Variants in QKI observed in about 807,000 individuals in gnomAD.
QKI encodes the protein KH domain-containing RNA-binding protein QKI.
In QKI, 10 loss-of-function variants were observed where a neutral mutation model predicts 39.0. The observed-to-expected ratio is 0.26, with a 90% CI of 0.16 to 0.43. The LOEUF is 0.43. Ranked by LOEUF, QKI falls within the 20% of genes least tolerant of loss-of-function variation. The pLI, the probability that QKI is intolerant of heterozygous loss-of-function variation, is 1.00. For synonymous variants in QKI, 204 were observed against 155.4 expected (o/e 1.31, Z -2.33); for missense variants, 218 against 428.0 (o/e 0.51, Z 4.33).
At chr6:163,515,452 TAA>T (rs1489356071) in intron 3 of QKI, among the ~76,000 whole-genome samples, 4 of 152,056 alleles carry the variant, frequency 2.6e-5, no homozygotes, top group Non-Finnish European at 4.4e-5. Flanking sequence ...ATAATAATAA[TAA>T]ATTGGAATCA....
rs2128253935 is a variant in QKI at position 163,574,083 on chromosome 6, C to G, written c.*3373C>G. The stretch of plus-strand genomic sequence containing the variant: ...TAGCCTTTGTTTGAGGCATTCTTCT[C>G]TTGCCACTTGCCTTTCAGCATCTGC... On this transcript the variant is annotated 3_prime_UTR_variant, in exon 8 of 8. Transcript: ENST00000361752. 1 of 152,294 alleles carries G rather than the reference C, an allele frequency of 6.6e-6. No homozygotes were observed. Among genetic ancestry groups the G allele is most frequent in the East Asian group, 1.9e-4 (1 of 5,172 alleles). 9.4% of individuals were successfully genotyped at this position (152,294 alleles called of 1,614,324 possible). A position where few individuals can be genotyped will look rare whatever the true frequency, so the allele number is the denominator to read the frequency against.
intron 3 of QKI, among the ~76,000 whole-genome samples, chr6:163,512,785 C>T (rs1779561887): frequency 6.6e-6 from 1 of 152,004 alleles, no homozygotes; most frequent in Non-Finnish European, 1.5e-5. Context: ...TGAAATTATT[C>T]ACAGTATATT....
chr6:163,517,265 AC>A (rs771718777), intron 3 of QKI, among the ~76,000 whole-genome samples: 4 of 152,180 alleles, frequency 2.6e-5, no homozygotes, highest in Non-Finnish European at 5.9e-5. Flanking sequence ...CTTAGAAAAG[AC>A]CAAAGCCCTC....
chr6:163,493,017 A>G (rs898150561), intron 3 of QKI, among the ~76,000 whole-genome samples: 13 of 152,140 alleles, frequency 8.5e-5, no homozygotes, highest in African/African-American at 3.1e-4. Flanking sequence ...TTAAAAATCT[A>G]ATCTTCCCCA....
At chr6:163,563,276 T>A in intron 5 of QKI, 144 bp from the exon 6 acceptor site, 2 of 683,816 alleles carry the variant, frequency 2.9e-6, no homozygotes, top group Non-Finnish European at 4.6e-6. Flanking sequence ...TTTGCATTTT[T>A]GTGTGATCAG....
At chr6:163,428,006 A>G (rs954052111) in intron 1 of QKI, among the ~76,000 whole-genome samples, 8 of 152,212 alleles carry the variant, frequency 5.3e-5, no homozygotes, top group Non-Finnish European at 4.4e-5. Context: ...CTTATGTTCC[A>G]GCAGATGGGG....
At position 163,464,520 on chromosome 6, in the gene QKI, C is replaced by G. The variant is rs1791584720; in HGVS notation, c.285+9099C>G. On this transcript the variant is annotated intron_variant, in intron 2 of 7. Transcript: ENST00000361752. ...CATGAAGGAGACATTACAACTGATACCATAGAAATAATAAGATCATAAAAG... is the reference window on the plus strand; with the variant it reads ...CATGAAGGAGACATTACAACTGATAGCATAGAAATAATAAGATCATAAAAG... Among the ~76,000 whole-genome samples, 6 of 151,852 alleles carry G rather than the reference C, an allele frequency of 4.0e-5. No homozygotes were observed. The South Asian group carries it at 1.2e-3, about 32-fold the overall frequency.
At chr6:163,457,496 TGG>T (rs1161572889) in intron 2 of QKI, 1 of 455,554 alleles carries the variant, frequency 2.2e-6, no homozygotes, top group East Asian at 6.9e-5. Flanking sequence ...CTACGCTTTC[TGG>T]GAACTGTAAA....
chr6:163,517,745 T>C (rs1306507467), intron 3 of QKI, among the ~76,000 whole-genome samples: 1 of 152,212 alleles, frequency 6.6e-6, no homozygotes, highest in East Asian at 1.9e-4. Flanking sequence ...TTCAGCCTAG[T>C]TAAGCTGACA....
chr6:163,431,651 C>T (rs1788838109), intron 1 of QKI, among the ~76,000 whole-genome samples: 1 of 152,014 alleles, frequency 6.6e-6, no homozygotes, highest in Non-Finnish European at 1.5e-5. Context: ...TTTCTGTGAA[C>T]TTAGATTTTA....
chr6:163,449,349 C>CA (rs1790382542), intron 1 of QKI, among the ~76,000 whole-genome samples: 1 of 152,170 alleles, frequency 6.6e-6, no homozygotes, highest in African/African-American at 2.4e-5. Flanking sequence ...GGTCAAATGA[C>CA]ACAGTGACCT....
intron 2 of QKI, among the ~76,000 whole-genome samples, chr6:163,464,668 T>G (rs998588911): frequency 6.6e-6 from 1 of 152,162 alleles, no homozygotes; most frequent in African/African-American, 2.4e-5. Flanking sequence ...AGACCTATAA[T>G]GAGTGAGGAG....
intron 2 of QKI, among the ~76,000 whole-genome samples, chr6:163,469,732 A>G (rs1046417928): frequency 1.3e-5 from 2 of 152,208 alleles, no homozygotes; most frequent in African/African-American, 4.8e-5. Context: ...TGGGGAAGTG[A>G]AATTTAATGT....
intron 1 of QKI, among the ~76,000 whole-genome samples, chr6:163,428,351 G>C (rs1788567113): frequency 6.6e-6 from 1 of 152,178 alleles, no homozygotes; most frequent in Non-Finnish European, 1.5e-5. Context: ...GTGGGTGACT[G>C]AGTCACATAT....
rs531062771 is a variant in QKI at position 163,568,160 on chromosome 6, A to G, written c.1009+1365A>G. The G allele has an allele frequency of 2.4e-5, 24 of 985,232 alleles. No homozygotes were observed. The African/African-American group carries it at 3.8e-4, about 16-fold the overall frequency. 61.0% of individuals were successfully genotyped at this position (985,232 alleles called of 1,614,324 possible). ...TTTTTGGAAAGTCACTTGAGTTTTA[A>G]AGAAACTGGACAATTCCATGAATAA... On this transcript the variant is annotated intron_variant, in intron 7 of 7. Coordinates refer to ENST00000361752, the MANE Select transcript of QKI (RefSeq NM_006775.3).
At chr6:163,545,095 G>C (rs1447409344) in intron 4 of QKI, among the ~76,000 whole-genome samples, 1 of 152,048 alleles carries the variant, frequency 6.6e-6, no homozygotes, top group Non-Finnish European at 1.5e-5. Flanking sequence ...GAGCTCCTTG[G>C]AATCACAGCC....
rs1180578199 is a variant in QKI, at chr6:163,575,118, A to T, written c.*4408A>T. On this transcript the variant is annotated 3_prime_UTR_variant, in exon 8 of 8. Transcript: ENST00000361752. ...AGGTGGACAGGTCTTTTAACATGCT[A>T]CTATTTGTAAAAGTTTCCGTTGCCA... 6.6e-6 allele frequency: 1 copy of T among 152,192 alleles called. No individual in the cohort carries two copies. Among genetic ancestry groups the T allele is most frequent in the East Asian group, 1.9e-4 (1 of 5,196 alleles). The allele number at this position is 152,192 out of a possible 1,614,324, so 9.4% of individuals were successfully genotyped here.
At position 163,578,174 on chromosome 6, in the gene QKI, C is replaced by G. The variant is rs1777686196; in HGVS notation, c.*7464C>G. 1 of 152,092 alleles carries G rather than the reference C, an allele frequency of 6.6e-6. No homozygotes were observed. The highest frequency in any genetic ancestry group is 6.5e-5 in the Admixed American group (1 of 15,272). 9.4% of individuals were successfully genotyped at this position (152,092 alleles called of 1,614,324 possible). On this transcript the variant is annotated 3_prime_UTR_variant, in exon 8 of 8. Transcript: ENST00000361752. ...AATTGGGATGAAAATCTACTGTAGT[C>G]TGTTTTAAAGTATGCTATACTATGT...
At chr6:163,427,999 A>G (rs141183953) in intron 1 of QKI, among the ~76,000 whole-genome samples, 168 of 152,338 alleles carry the variant, frequency 1.1e-3, no homozygotes, top group African/African-American at 3.6e-3. Context: ...TAAGGAACTT[A>G]TGTTCCAGCA....
Sources: allele counts gnomAD v4.1 joint callset (sites outside exome capture counted in the v4.1 genomes callset), GRCh38; gene constraint gnomAD v4.1.1; transcripts MANE v1.5; gene names NCBI Gene and HGNC (gene_info 2026-07-23, HGNC 2026-07-21).